PPP1R12A: variants seen among roughly 807,000 people sequenced by gnomAD.
The protein encoded by PPP1R12A is protein phosphatase 1 regulatory subunit 12A.
A neutral mutation model predicts 139.6 loss-of-function variants in PPP1R12A; 19 were observed. The ratio of observed to expected loss-of-function variants is 0.14; its 90% CI spans 0.09 to 0.20. PPP1R12A has a LOEUF of 0.20. Among genes scored for constraint, PPP1R12A ranks in the 10% least tolerant of loss-of-function variants. The pLI is 1.00. For synonymous variants in PPP1R12A, 427 were observed against 420.6 expected (o/e 1.02, Z -0.19); for missense variants, 925 against 1,211.5 (o/e 0.76, Z 3.51).
chr12:79,915,917 C>A (rs1370819203), intron 1 of PPP1R12A, among the ~76,000 whole-genome samples: 1 of 151,990 alleles, frequency 6.6e-6, no homozygotes, highest in African/African-American at 2.4e-5. Context: ...ATAACAAGAG[C>A]CTTTCCATGT....
At chr12:79,902,197 A>C (rs1482262581) in intron 1 of PPP1R12A, among the ~76,000 whole-genome samples, 1 of 152,246 alleles carries the variant, frequency 6.6e-6, no homozygotes, top group Non-Finnish European at 1.5e-5. Context: ...ATTCCAAAGC[A>C]GATTTCAGTA....
rs372177491 is a variant in PPP1R12A, at chr12:79,862,270, A to G, written c.368+10538T>C. ...TAACAAACAAAAAGGAATAGTATCA[A>G]TATCAACAAAAAGGACATCCACACC... On this transcript the variant is annotated intron_variant, in intron 2 of 24. Coordinates refer to ENST00000450142, the MANE Select transcript of PPP1R12A (RefSeq NM_002480.3). Among the ~76,000 whole-genome samples, 133 of 152,354 alleles carry G rather than the reference A, an allele frequency of 8.7e-4. 3 individuals carry two copies. The highest frequency in any genetic ancestry group is 3.0e-3 in the African/African-American group (126 of 41,586).
At chr12:79,836,767 T>C (rs1466476129) in intron 3 of PPP1R12A, among the ~76,000 whole-genome samples, 1 of 152,228 alleles carries the variant, frequency 6.6e-6, no homozygotes, top group African/African-American at 2.4e-5. Flanking sequence ...TTCAGTGCTT[T>C]GACTAACTAG....
chr12:79,835,297 A>C (rs2137166515), intron 3 of PPP1R12A, among the ~76,000 whole-genome samples: 1 of 152,208 alleles, frequency 6.6e-6, no homozygotes, highest in Middle Eastern at 3.4e-3. Flanking sequence ...ACTTGGACTG[A>C]AACACGCTAC....
Position 79,774,440 on chromosome 12 carries a change from CAAT to C in PPP1R12A, c.*1486_*1488del, listed in dbSNP as rs922959474. The C allele has an allele frequency of 1.5e-4, 23 of 152,584 alleles. No homozygotes were observed. Among genetic ancestry groups the C allele is most frequent in the African/African-American group, 5.3e-4 (22 of 41,526 alleles). The allele number at this position is 152,584 out of a possible 1,614,324, so 9.5% of individuals were successfully genotyped here. A position where few individuals can be genotyped will look rare whatever the true frequency, so the allele number is the denominator to read the frequency against. On this transcript the variant is annotated 3_prime_UTR_variant, in exon 25 of 25. Coordinates refer to ENST00000450142, the MANE Select transcript of PPP1R12A (RefSeq NM_002480.3). ...CATTTAATATAGTATACAATACAAT[CAAT>C]AATACAATCAGCTACTATAAGCTTT...
chr12:79,818,497 ACT>A (rs1875685875), intron 8 of PPP1R12A, among the ~76,000 whole-genome samples: 1 of 151,604 alleles, frequency 6.6e-6, no homozygotes. Flanking sequence ...CCAGACTTGG[ACT>A]CCCAAACTAC....
intron 1 of PPP1R12A, among the ~76,000 whole-genome samples, chr12:79,919,694 C>A (rs138811004): frequency 1.3e-4 from 20 of 152,164 alleles, no homozygotes; most frequent in African/African-American, 4.8e-4. Context: ...TCTATACACT[C>A]CAGTAGACTA....
intron 1 of PPP1R12A, among the ~76,000 whole-genome samples, chr12:79,884,685 AC>A (rs1883949132): frequency 6.6e-6 from 1 of 152,162 alleles, no homozygotes; most frequent in South Asian, 2.1e-4. Flanking sequence ...CGGCTCAAAT[AC>A]ACTTTCAAAA....
rs187438113 is a variant in PPP1R12A, at chr12:79,774,240, A to T, written c.*1689T>A. On this transcript the variant is annotated 3_prime_UTR_variant, in exon 25 of 25. Transcript: ENST00000450142. ...CTCCCACAACTATCCTTGTACCTTTAAAATCAAGAATCCTGAGCTTGGTAG... is the reference window on the plus strand; with the variant it reads ...CTCCCACAACTATCCTTGTACCTTTTAAATCAAGAATCCTGAGCTTGGTAG... 1.5e-4 allele frequency: 23 copies of T among 152,438 alleles called. No individual in the cohort carries two copies. The East Asian group carries it at 3.7e-3, about 24-fold the overall frequency. The allele number at this position is 152,438 out of a possible 1,614,324, so 9.4% of individuals were successfully genotyped here.
At chr12:79,932,839 C>CA (rs2136982457) in intron 1 of PPP1R12A, among the ~76,000 whole-genome samples, 1 of 152,242 alleles carries the variant, frequency 6.6e-6, no homozygotes, top group African/African-American at 2.4e-5. Context: ...TCCTCTAAGC[C>CA]AATACAACTG....
rs60424402 is a variant in PPP1R12A at position 79,925,299 on chromosome 12, TACTTTCCC to T, written c.237+9388_237+9395del. 2.0e-3 allele frequency among the ~76,000 whole-genome samples: 310 copies of T among 152,266 alleles called. 1 individual carries two copies. The highest frequency in any genetic ancestry group is 7.2e-3 in the African/African-American group (299 of 41,558). ...GTGTGTGTAACAGTCCATGAAAATATACTTTCCCACATGGTTATTAATCTTTAAGAGGG... is the reference window on the plus strand; with the variant it reads ...GTGTGTGTAACAGTCCATGAAAATATACATGGTTATTAATCTTTAAGAGGG... On this transcript the variant is annotated intron_variant, in intron 1 of 24. Transcript: ENST00000450142.
intron 9 of PPP1R12A, among the ~76,000 whole-genome samples, chr12:79,815,320 G>A (rs35208669): frequency 0.084 from 12,749 of 152,112 alleles, 1,347 homozygotes; most frequent in African/African-American, 0.25. Context: ...CACAAGGTCA[G>A]GAGTTCGAGA....
At chr12:79,796,228 A>T (rs1320504647) in intron 17 of PPP1R12A, among the ~76,000 whole-genome samples, 1 of 152,146 alleles carries the variant, frequency 6.6e-6, no homozygotes, top group Non-Finnish European at 1.5e-5. Context: ...CTTATATCTG[A>T]TTTAAAGTAG....
At chr12:79,919,867 C>T (rs544095104) in intron 1 of PPP1R12A, among the ~76,000 whole-genome samples, 8 of 152,214 alleles carry the variant, frequency 5.3e-5, no homozygotes, top group Non-Finnish European at 7.4e-5. Flanking sequence ...TAAATATATA[C>T]GTTCACTTTT....
Position 79,774,311 on chromosome 12 carries a change from G to A in PPP1R12A, c.*1618C>T, listed in dbSNP as rs1334169374. On this transcript the variant is annotated 3_prime_UTR_variant, in exon 25 of 25. Coordinates refer to ENST00000450142, the MANE Select transcript of PPP1R12A (RefSeq NM_002480.3). The stretch of plus-strand genomic sequence containing the variant: ...TTCATAAAACCAATCGAGAGAGAGA[G>A]GACTTAAAATCCTGCTTACCAAAAC... 2 of 152,418 alleles carry A rather than the reference G, an allele frequency of 1.3e-5. No homozygotes were observed. The highest frequency in any genetic ancestry group is 2.1e-4 in the South Asian group (1 of 4,826). The allele number at this position is 152,418 out of a possible 1,614,324, so 9.4% of individuals were successfully genotyped here.
At chr12:79,894,022 A>G (rs1884904354) in intron 1 of PPP1R12A, among the ~76,000 whole-genome samples, 1 of 152,164 alleles carries the variant, frequency 6.6e-6, no homozygotes, top group African/African-American at 2.4e-5. Flanking sequence ...CAAGGAAGTA[A>G]TAATTTTGCT....
Position 79,781,858 on chromosome 12 carries a change from T to C in PPP1R12A, c.2912A>G (p.Gln971Arg). ...KLQLEKATQR[Q>R]ERFADRSLLE... Reference sequence around the variant, plus strand: ...CAGTGATCTATCAGCAAATCTTTCTTGTCTCTGCAACAAAGTAAGAAATTA... The same window carrying C: ...CAGTGATCTATCAGCAAATCTTTCTCGTCTCTGCAACAAAGTAAGAAATTA... Residue 971 changes from glutamine (Q) to arginine (R), a missense_variant, in exon 23 of 25, where the codon CAA becomes CGA. By Grantham distance (43) the Gln-to-Arg change is conservative. Coordinates refer to ENST00000450142, the MANE Select transcript of PPP1R12A (RefSeq NM_002480.3). 1 of 1,541,484 alleles carries C rather than the reference T, an allele frequency of 6.5e-7. No homozygotes were observed.
At chr12:79,804,382 C>T (rs531528174) in intron 14 of PPP1R12A, among the ~76,000 whole-genome samples, 23 of 152,144 alleles carry the variant, frequency 1.5e-4, no homozygotes, top group Non-Finnish European at 2.9e-4. Context: ...ATACTAACCA[C>T]TTGCAGTGGC....
intron 1 of PPP1R12A, among the ~76,000 whole-genome samples, chr12:79,880,562 G>A (rs925142685): frequency 3.3e-5 from 5 of 152,100 alleles, no homozygotes; most frequent in African/African-American, 4.8e-5. Flanking sequence ...CATCAGTAAC[G>A]GTGGCTCAAG....
Sources: allele counts gnomAD v4.1 joint callset (sites outside exome capture counted in the v4.1 genomes callset), GRCh38; gene constraint gnomAD v4.1.1; transcripts MANE v1.5; gene names NCBI Gene and HGNC (gene_info 2026-07-23, HGNC 2026-07-21).